CACNA1A: variants seen among roughly 807,000 people sequenced by gnomAD.
The protein encoded by CACNA1A is calcium voltage-gated channel subunit alpha1 A.
Under a neutral mutation model 262.4 loss-of-function variants are expected in CACNA1A, and 57 were observed. That is an observed-to-expected ratio of 0.22 (90% CI 0.18 to 0.27). The LOEUF (loss-of-function observed/expected upper bound fraction) is 0.27. CACNA1A is among the 10% of genes least tolerant of loss of function. The pLI is 1.00. For missense variants in CACNA1A, 2,526 were observed against 3,562.8 expected (o/e 0.71, Z 7.41); for synonymous variants, 1,431 against 1,419.3 (o/e 1.01, Z -0.18).
intron 1 of CACNA1A, among the ~76,000 whole-genome samples, chr19:13,496,429 G>A (rs1981543884): frequency 6.6e-6 from 1 of 152,198 alleles, no homozygotes. Flanking sequence ...AAGCTGTGGG[G>A]AGATTGGAGA....
At chr19:13,261,830 G>A (rs1453313499) in intron 25 of CACNA1A, 4 of 515,556 alleles carry the variant, frequency 7.8e-6, no homozygotes, top group African/African-American at 1.9e-5. Flanking sequence ...CTCCCAGATG[G>A]GATACCAGAG....
intron 24 of CACNA1A, chr19:13,275,046 T>C (rs1353115523): frequency 6.6e-6 from 1 of 151,614 alleles, no homozygotes; most frequent in Non-Finnish European, 1.5e-5. Flanking sequence ...GGGGCCATCT[T>C]GCAATGGCTG....
intron 6 of CACNA1A, among the ~76,000 whole-genome samples, chr19:13,345,304 T>C (rs1033771693): frequency 2.6e-5 from 4 of 152,100 alleles, no homozygotes; most frequent in African/African-American, 7.2e-5. Flanking sequence ...GCAGATGGCA[T>C]GGGTGGGACT....
At chr19:13,360,192 T>C (rs1471452062) in intron 5 of CACNA1A, among the ~76,000 whole-genome samples, 1 of 151,662 alleles carries the variant, frequency 6.6e-6, no homozygotes, top group Admixed American at 6.6e-5. Flanking sequence ...TATTATTTCT[T>C]CTTTGACCTA....
At chr19:13,393,107 T>A (rs763312108) in intron 3 of CACNA1A, among the ~76,000 whole-genome samples, 14 of 152,124 alleles carry the variant, frequency 9.2e-5, no homozygotes, top group African/African-American at 1.7e-4. Flanking sequence ...AACCAATTCC[T>A]CCCTCTGACT....
rs1568446848 is a variant in CACNA1A at position 13,234,926 on chromosome 19, G to A, written c.5244C>T (p.Leu1748=). The stretch of plus-strand genomic sequence containing the variant: ...AGAGCAGGTCCCCTTCTCACCGGAA[G>A]AGAAGCATGAGGGCCTGGAAGAAGG... ...FRTFFQALML[L]FRSATGEAWH... The change falls in exon 34 of 47, where the codon CTC becomes CTT. Residue 1748 remains leucine (L), a synonymous_variant. Coordinates refer to ENST00000360228, the MANE Select transcript of CACNA1A (RefSeq NM_001127222.2). 1 of 1,609,612 alleles carries A rather than the reference G, an allele frequency of 6.2e-7. No individual in the cohort carries two copies. The highest frequency in any genetic ancestry group is 1.7e-5 in the Admixed American group (1 of 60,020).
chr19:13,238,406 ACC>A (rs1456440328), intron 31 of CACNA1A, among the ~76,000 whole-genome samples: 1 of 152,000 alleles, frequency 6.6e-6, no homozygotes, highest in Non-Finnish European at 1.5e-5. Flanking sequence ...TATGGAGACC[ACC>A]CACCTAAGGG....
Position 13,349,630 on chromosome 19 carries a change from G to A in CACNA1A, c.978+9976C>T, listed in dbSNP as rs528551507. Among the ~76,000 whole-genome samples, 34 of 152,294 alleles carry A rather than the reference G, an allele frequency of 2.2e-4. No homozygotes were observed. The South Asian group carries it at 7.0e-3, about 32-fold the overall frequency. On this transcript the variant is annotated intron_variant, in intron 6 of 46. Coordinates refer to ENST00000360228, the MANE Select transcript of CACNA1A (RefSeq NM_001127222.2). Reference sequence around the variant, plus strand: ...ATTCTATCCCCTTGAGCTCAGAGAAGCAGCCCTCAATCCTATTTGCTGTGG... The same window carrying A: ...ATTCTATCCCCTTGAGCTCAGAGAAACAGCCCTCAATCCTATTTGCTGTGG...
chr19:13,340,281 C>G (rs1298583587), intron 6 of CACNA1A, among the ~76,000 whole-genome samples: 3 of 152,120 alleles, frequency 2.0e-5, no homozygotes, highest in Non-Finnish European at 4.4e-5. Flanking sequence ...CCTCTGGCCA[C>G]AGGACATGCT....
rs148392792 is a variant in CACNA1A, at chr19:13,356,756, G to A, written c.978+2850C>T. Among the ~76,000 whole-genome samples, 1,023 of 152,162 alleles carry A rather than the reference G, an allele frequency of 6.7e-3. 9 individuals are homozygous for A. Among genetic ancestry groups the A allele is most frequent in the African/African-American group, 0.023 (957 of 41,494 alleles). ...CCCAGTCTCTTTCCCTCTCAGGAGG[G>A]TTCATTTCCTGCTGGAACCTCCTCT... On this transcript the variant is annotated intron_variant, in intron 6 of 46. Transcript: ENST00000360228.
At chr19:13,476,024 T>G (rs1978491321) in intron 1 of CACNA1A, among the ~76,000 whole-genome samples, 1 of 152,158 alleles carries the variant, frequency 6.6e-6, no homozygotes, top group South Asian at 2.1e-4. Context: ...ACTTGTACAC[T>G]TCTTGTTCTT....
intron 19 of CACNA1A, among the ~76,000 whole-genome samples, chr19:13,288,759 C>T (rs1279956226): frequency 1.3e-5 from 2 of 152,086 alleles, no homozygotes; most frequent in African/African-American, 4.8e-5. Flanking sequence ...GCCCTGGTTT[C>T]CCATAAATCT....
At chr19:13,491,871 G>T (rs900449852) in intron 1 of CACNA1A, among the ~76,000 whole-genome samples, 1 of 152,076 alleles carries the variant, frequency 6.6e-6, no homozygotes, top group African/African-American at 2.4e-5. Context: ...ACCAACAGAG[G>T]TACACAGAGG....
At position 13,208,031 on chromosome 19, in the gene CACNA1A, C is replaced by T; in HGVS notation, c.6803G>A (p.Ser2268Asn). 4 of 1,302,700 alleles carry T rather than the reference C, an allele frequency of 3.1e-6. No individual in the cohort carries two copies. The highest frequency in any genetic ancestry group is 3.9e-6 in the Non-Finnish European group (4 of 1,030,114). 80.7% of individuals were successfully genotyped at this position (1,302,700 alleles called of 1,614,324 possible). Residue 2268 changes from serine (S) to asparagine (N), a missense_variant, in exon 47 of 47, where the codon AGC becomes AAC. Around this residue, in one of 17 missense-constraint regions of CACNA1A, gnomAD observed 929 missense variants for 868.1 expected, o/e 1.07. Coordinates refer to ENST00000360228, the MANE Select transcript of CACNA1A (RefSeq NM_001127222.2). Reference sequence around the variant, plus strand: ...GGTACCAGATGTTGAGGGGGCTGGGCTTCCACTTACGGAACTACTGCCCTA... The same window carrying T: ...GGTACCAGATGTTGAGGGGGCTGGGTTTCCACTTACGGAACTACTGCCCTA... Reference protein sequence around the residue: ...HRQGSSSVSGSPAPSTSGTST... With the variant: ...HRQGSSSVSGNPAPSTSGTST...
chr19:13,212,832 A>ACACACG lies in CACNA1A; in HGVS notation c.5941-93_5941-92insCGTGTG. On this transcript the variant is annotated intron_variant, in intron 40 of 46. Coordinates refer to ENST00000360228, the MANE Select transcript of CACNA1A (RefSeq NM_001127222.2). This position sits in a 1 kb window ranked among gnomAD's most constrained non-coding sequence, Gnocchi z 5.6. ...GCATTGCGACATCCCCAGTATACAC[A>ACACACG]CACACACACACACACACTCTCTCAG... The ACACACG allele has an allele frequency of 1.7e-6, 1 of 572,294 alleles. No individual in the cohort carries two copies. Among genetic ancestry groups the ACACACG allele is most frequent in the Non-Finnish European group, 3.1e-6 (1 of 325,448 alleles). 35.5% of individuals were successfully genotyped at this position (572,294 alleles called of 1,614,324 possible).
chr19:13,320,250 GA>G, intron 10 of CACNA1A, among the ~76,000 whole-genome samples: 1 of 151,282 alleles, frequency 6.6e-6, no homozygotes, highest in Non-Finnish European at 1.5e-5. Context: ...GAGAGAGAGA[GA>G]GAGAGAGAGA....
At chr19:13,440,508 T>C (rs952438471) in intron 3 of CACNA1A, among the ~76,000 whole-genome samples, 1 of 152,240 alleles carries the variant, frequency 6.6e-6, no homozygotes, top group African/African-American at 2.4e-5. Flanking sequence ...ATAATTATTA[T>C]CATCATTATA....
rs1049361417 is a variant in CACNA1A at position 13,495,310 on chromosome 19, A to AT, written c.293+10621dup. ...GCATATAATATTTATTTATTTATTT[A>AT]TTTTGAGATGGAGTCTCGTTCTGTC... On this transcript the variant is annotated intron_variant, in intron 1 of 46. Coordinates refer to ENST00000360228, the MANE Select transcript of CACNA1A (RefSeq NM_001127222.2). Among the ~76,000 whole-genome samples, 28 of 151,944 alleles carry AT rather than the reference A, an allele frequency of 1.8e-4. 1 individual carries two copies. The highest frequency in any genetic ancestry group is 5.1e-4 in the African/African-American group (21 of 41,474).
intron 3 of CACNA1A, among the ~76,000 whole-genome samples, chr19:13,373,856 A>G (rs998720691): frequency 1.3e-5 from 2 of 152,222 alleles, no homozygotes; most frequent in African/African-American, 4.8e-5. Context: ...ATATGAGACT[A>G]TCCCTGCCCC....
Sources: gnomAD v4.1 joint callset for allele counts (sites outside exome capture counted in the v4.1 genomes callset) on GRCh38, gnomAD v4.1.1 for gene constraint, gnomAD v4.1.1 regional missense constraint, Gnocchi (gnomAD v3.1) non-coding constraint, MANE v1.5 for transcripts, NCBI Gene and HGNC (gene_info 2026-07-23, HGNC 2026-07-21) for gene names.